The following AAK1 variants were observed in gnomAD, a reference collection of about 807,000 sequenced individuals.
AAK1 encodes AP2 associated kinase 1.
A neutral mutation model predicts 116.0 loss-of-function variants in AAK1; 37 were observed. That is an observed-to-expected ratio of 0.32 (90% CI 0.25 to 0.42). The LOEUF (loss-of-function observed/expected upper bound fraction) is 0.42, where lower values mean the gene tolerates loss of function less well. Ranked by LOEUF, AAK1 falls within the 10% of genes least tolerant of loss-of-function variation. The probability of loss-of-function intolerance (pLI) is 1.00; values close to 1 mark genes in which losing one functional copy is unlikely to be tolerated. For missense variants in AAK1, 919 were observed against 1,170.6 expected (o/e 0.79, Z 3.14); for synonymous variants, 458 against 439.9 (o/e 1.04, Z -0.51).
At chr2:69,565,936 CAG>C (rs1172322829) in intron 2 of AAK1, among the ~76,000 whole-genome samples, 16 of 150,536 alleles carry the variant, frequency 1.1e-4, no homozygotes, top group African/African-American at 3.7e-4. Context: ...ATTCAGGTGG[CAG>C]AGTGTCCTCT....
chr2:69,505,427 G>T, intron 16 of AAK1, 142 bp downstream of exon 16: 1 of 416,268 alleles, frequency 2.4e-6, no homozygotes, highest in Non-Finnish European at 4.1e-6. Context: ...AAATTAAATA[G>T]ACCATGAAAA....
chr2:69,510,277 T>C (rs907707320), intron 13 of AAK1, among the ~76,000 whole-genome samples: 4 of 152,186 alleles, frequency 2.6e-5, no homozygotes, highest in African/African-American at 9.7e-5. Context: ...GTAGCTCTCA[T>C]TTGTAAGTGA....
intron 2 of AAK1, among the ~76,000 whole-genome samples, chr2:69,625,149 A>G (rs557010019): frequency 1.5e-4 from 23 of 152,334 alleles, no homozygotes; most frequent in African/African-American, 5.1e-4. Flanking sequence ...GATCTCAGAC[A>G]AGACCTTCGA....
intron 2 of AAK1, among the ~76,000 whole-genome samples, chr2:69,590,991 G>A (rs1673003894): frequency 6.6e-6 from 1 of 152,146 alleles, no homozygotes; most frequent in South Asian, 2.1e-4. Context: ...CGATTGCTAG[G>A]GAAAGTTTTT....
At chr2:69,642,826 T>G in intron 2 of AAK1, 52 bp downstream of exon 2, 1 of 1,610,896 alleles carries the variant, frequency 6.2e-7, no homozygotes, top group East Asian at 2.2e-5. Context: ...AACCACAGTA[T>G]TGCCGCATCA....
At chr2:69,621,088 G>C (rs1298851000) in intron 2 of AAK1, among the ~76,000 whole-genome samples, 1 of 152,204 alleles carries the variant, frequency 6.6e-6, no homozygotes, top group Non-Finnish European at 1.5e-5. Flanking sequence ...TCACTGACAT[G>C]TGTATTTCTT....
At chr2:69,562,869 G>A (rs578026001) in intron 2 of AAK1, among the ~76,000 whole-genome samples, 4 of 151,880 alleles carry the variant, frequency 2.6e-5, no homozygotes, top group East Asian at 3.9e-4. Context: ...CAGCCTGGGC[G>A]ACAGAGCGAG....
chr2:69,467,852 G>A lies in AAK1; in HGVS notation c.*8017C>T. ...GACATTACATTGTAAAGAGAATGTA[G>A]AGAGAGGTCTGAACATTTTATAAGA... On this transcript the variant is annotated 3_prime_UTR_variant, in exon 22 of 22. Transcript: ENST00000409085. The A allele has an allele frequency of 1.1e-5, 11 of 985,416 alleles. No individual in the cohort carries two copies. Among genetic ancestry groups the A allele is most frequent in the Non-Finnish European group, 1.3e-5 (11 of 829,886 alleles). The allele number at this position is 985,416 out of a possible 1,614,324, so 61.0% of individuals were successfully genotyped here.
At chr2:69,558,697 G>T (rs543898226) in intron 2 of AAK1, among the ~76,000 whole-genome samples, 14 of 152,220 alleles carry the variant, frequency 9.2e-5, no homozygotes, top group Non-Finnish European at 2.1e-4. Context: ...ACAGAGGTAA[G>T]TCTTCAGTAT....
intron 2 of AAK1, among the ~76,000 whole-genome samples, chr2:69,630,340 T>TGGGGGGGG (rs1354946859): frequency 1.5e-5 from 1 of 68,500 alleles, no homozygotes; most frequent in Non-Finnish European, 3.4e-5. Flanking sequence ...GGGCGGGGGG[T>TGGGGGGGG]GGGGGGGGAG....
chr2:69,616,053 C>G (rs1443347502), intron 2 of AAK1, among the ~76,000 whole-genome samples: 1 of 152,178 alleles, frequency 6.6e-6, no homozygotes, highest in Non-Finnish European at 1.5e-5. Context: ...CTGGGCAACA[C>G]GGCAAAACCC....
chr2:69,561,465 C>T (rs12467072), intron 2 of AAK1, among the ~76,000 whole-genome samples: 54,279 of 152,036 alleles, frequency 0.36, 10,304 homozygotes, highest in East Asian at 0.58. Flanking sequence ...ATAAGGTAGG[C>T]GAGCAACCTA....
intron 3 of AAK1, among the ~76,000 whole-genome samples, chr2:69,548,693 CTCCTGGGT>C (rs974741297): frequency 6.6e-6 from 1 of 152,006 alleles, no homozygotes; most frequent in African/African-American, 2.4e-5. Flanking sequence ...CAAGCTCTGC[CTCCTGGGT>C]TCAAGTGATT....
chr2:69,551,407 A>G (rs1174524228), intron 3 of AAK1, among the ~76,000 whole-genome samples: 2 of 152,220 alleles, frequency 1.3e-5, no homozygotes, highest in Admixed American at 6.5e-5. Context: ...AGTTGAAGAA[A>G]AAAATAAAAT....
intron 3 of AAK1, among the ~76,000 whole-genome samples, chr2:69,549,663 C>T (rs1671093474): frequency 6.6e-6 from 1 of 152,178 alleles, no homozygotes; most frequent in Admixed American, 6.5e-5. Context: ...TGTCTTTTGG[C>T]ACCCACATCA....
rs534137017 is a variant in AAK1, at chr2:69,554,486, A to G, written c.282+2374T>C. Among the ~76,000 whole-genome samples the G allele has an allele frequency of 1.4e-4, 21 of 152,368 alleles. No individual in the cohort carries two copies. The South Asian group carries it at 2.5e-3, about 18-fold the overall frequency. On this transcript the variant is annotated intron_variant, in intron 3 of 21. Transcript: ENST00000409085. ...AATTCAGTTGAAATAGTTTTCTTATATAATAATGTAAAAACTAATATTCAT... is the reference window on the plus strand; with the variant it reads ...AATTCAGTTGAAATAGTTTTCTTATGTAATAATGTAAAAACTAATATTCAT...
chr2:69,541,724 G>A (rs13429239), intron 5 of AAK1, among the ~76,000 whole-genome samples: 6,369 of 152,022 alleles, frequency 0.042, 457 homozygotes, highest in African/African-American at 0.15. Flanking sequence ...CCAAAATTTT[G>A]GCCCAAGAGA....
chr2:69,552,690 A>C (rs1042888339), intron 3 of AAK1, among the ~76,000 whole-genome samples: 2 of 152,100 alleles, frequency 1.3e-5, no homozygotes, highest in Admixed American at 6.6e-5. Context: ...CAGCCTAGGC[A>C]ACAGAGCAAG....
At chr2:69,548,935 C>G (rs1671053126) in intron 3 of AAK1, among the ~76,000 whole-genome samples, 1 of 152,062 alleles carries the variant, frequency 6.6e-6, no homozygotes, top group Non-Finnish European at 1.5e-5. Context: ...ATGCCACTTC[C>G]TTAGGCCCTC....
Sources: allele counts gnomAD v4.1 joint callset (sites outside exome capture counted in the v4.1 genomes callset), GRCh38; gene constraint gnomAD v4.1.1; transcripts MANE v1.5; gene names NCBI Gene and HGNC (gene_info 2026-07-23, HGNC 2026-07-21).